Variants in LIG1 observed in about 807,000 individuals in gnomAD.
LIG1 encodes the protein DNA ligase 1.
A neutral mutation model predicts 115.7 loss-of-function variants in LIG1; 70 were observed. The observed-to-expected ratio is 0.60, with a 90% CI of 0.50 to 0.74. The LOEUF (loss-of-function observed/expected upper bound fraction) is 0.74, where lower values mean the gene tolerates loss of function less well. Among genes scored for constraint, LIG1 ranks in the 30% least tolerant of loss-of-function variants. The probability of loss-of-function intolerance (pLI) is 0.00; values close to 1 mark genes in which losing one functional copy is unlikely to be tolerated. For synonymous variants in LIG1, 487 were observed against 495.3 expected (o/e 0.98, Z 0.22); for missense variants, 1,115 against 1,225.6 (o/e 0.91, Z 1.35).
intron 5 of LIG1, among the ~76,000 whole-genome samples, chr19:48,156,367 T>C (rs2035836365): frequency 6.6e-6 from 1 of 152,186 alleles, no homozygotes; most frequent in Admixed American, 6.5e-5. Flanking sequence ...TCTCAGCGCA[T>C]AACTACAGTC....
intron 2 of LIG1, among the ~76,000 whole-genome samples, chr19:48,165,291 T>C (rs1459983791): frequency 6.6e-6 from 1 of 152,066 alleles, no homozygotes; most frequent in Non-Finnish European, 1.5e-5. Flanking sequence ...CTGCCAGATG[T>C]TCCCTGGGGA....
rs771500777 is a variant in LIG1 at position 48,118,288 on chromosome 19, T to A, written c.2440-507A>T. On this transcript the variant is annotated intron_variant, in intron 25 of 27. Coordinates refer to ENST00000263274, the MANE Select transcript of LIG1 (RefSeq NM_000234.3). ...TCATAGCTCCCAAAATCCCCATGTG[T>A]CGTGGAGGGACCTGGTGGGAGGTAA... 93 of 202,800 alleles carry A rather than the reference T, an allele frequency of 4.6e-4. No homozygotes were observed. In the Middle Eastern group the frequency reaches 7.1e-3, roughly 16 times the overall value. 12.6% of individuals were successfully genotyped at this position (202,800 alleles called of 1,614,324 possible). A position where few individuals can be genotyped will look rare whatever the true frequency, so the allele number is the denominator to read the frequency against.
intron 11 of LIG1, among the ~76,000 whole-genome samples, chr19:48,142,442 CAAAAA>C (rs561137392): frequency 1.3e-5 from 1 of 75,602 alleles, no homozygotes. Flanking sequence ...GACTCCATCT[CAAAAA>C]AAAAAAAAAA....
In LIG1 at chr19:48,136,082, C is replaced by T; in HGVS notation, c.1375G>A (p.Val459Met). ...ACTGCCTGGGAGAGGGCAGCCAGCA[C>T]CGACTGCTCTGCCAGCCCAAGGCGC... ...RLRLGLAEQS[V>M]LAALSQAVSL... The change falls in exon 15 of 28, where the codon GTG (valine) becomes ATG (methionine). Residue 459 changes from valine (V) to methionine (M), a missense_variant. Coordinates refer to ENST00000263274, the MANE Select transcript of LIG1 (RefSeq NM_000234.3). 1.3e-6 allele frequency: 2 copies of T among 1,574,096 alleles called. No individual in the cohort carries two copies. Among genetic ancestry groups the T allele is most frequent in the Non-Finnish European group, 1.7e-6 (2 of 1,160,214 alleles).
rs761804615 is a variant in LIG1 at position 48,117,704 on chromosome 19, G to T, written c.2517C>A (p.Ser839Arg). ...AVIPDHWLDPSAVWEVKCADL... is the reference protein window; with the variant it reads ...AVIPDHWLDPRAVWEVKCADL... ...CAGCGCACTTCACCTCCCACACAGC[G>T]CTGGGGTCCAGCCAGTGGTCGGGAA... The change falls in exon 26 of 28, where the codon AGC becomes AGA. Residue 839 changes from serine to arginine, a missense_variant. Coordinates refer to ENST00000263274, the MANE Select transcript of LIG1 (RefSeq NM_000234.3). The T allele has an allele frequency of 5.0e-6, 8 of 1,612,772 alleles. No individual in the cohort carries two copies. The highest frequency in any genetic ancestry group is 6.8e-6 in the Non-Finnish European group (8 of 1,179,694).
rs768965485 is a variant in LIG1, at chr19:48,115,747, T to C, written c.2677-15A>G. ...AAACAGGCCACCTGCGGAGAGAGGG[T>C]GGGACGGGGTGGTCAGAAGCTCCCT... On this transcript the variant is annotated splice_polypyrimidine_tract_variant and intron_variant, in intron 27 of 27. Coordinates refer to ENST00000263274, the MANE Select transcript of LIG1 (RefSeq NM_000234.3). 7 of 1,608,766 alleles carry C rather than the reference T, an allele frequency of 4.4e-6. No individual in the cohort carries two copies. Among genetic ancestry groups the C allele is most frequent in the Non-Finnish European group, 6.0e-6 (7 of 1,175,428 alleles).
chr19:48,142,660 T>C (rs913445196), intron 11 of LIG1, among the ~76,000 whole-genome samples: 3 of 152,066 alleles, frequency 2.0e-5, no homozygotes, highest in Admixed American at 2.0e-4. Context: ...TTGTTTGTTT[T>C]TGAGACAGAG....
rs2034140114 is a variant in LIG1, at chr19:48,132,969, C to G, written c.1725+13G>C. On this transcript the variant is annotated intron_variant, in intron 18 of 27. Transcript: ENST00000263274. ...TTCCTGTCTGTGGAAGGGACATGTCCCACTCCCCATACCTGTGCCCTCTGC... is the reference window on the plus strand; with the variant it reads ...TTCCTGTCTGTGGAAGGGACATGTCGCACTCCCCATACCTGTGCCCTCTGC... 1 of 1,572,966 alleles carries G rather than the reference C, an allele frequency of 6.4e-7. No homozygotes were observed. The highest frequency in any genetic ancestry group is 8.8e-7 in the Non-Finnish European group (1 of 1,142,654).
chr19:48,164,517 C>T (rs2036368307), intron 2 of LIG1, among the ~76,000 whole-genome samples: 1 of 152,242 alleles, frequency 6.6e-6, no homozygotes, highest in African/African-American at 2.4e-5. Context: ...ATCCAGGCTG[C>T]ATCCCTGTGG....
chr19:48,155,315 T>A (rs550693704), intron 5 of LIG1, among the ~76,000 whole-genome samples: 2 of 152,260 alleles, frequency 1.3e-5, no homozygotes, highest in East Asian at 3.9e-4. Context: ...CACCACGTGC[T>A]ATCCTCAAAC....
At chr19:48,134,136 G>A (rs1471797977) in intron 16 of LIG1, 70 bp from the exon 17 acceptor site, 22 of 1,407,222 alleles carry the variant, frequency 1.6e-5, no homozygotes, top group African/African-American at 2.9e-5. Flanking sequence ...AAGAGAGCTC[G>A]GCCTGCTCCC....
intron 26 of LIG1, among the ~76,000 whole-genome samples, chr19:48,117,361 T>C (rs2032920457): frequency 6.6e-6 from 1 of 151,474 alleles, no homozygotes; most frequent in Non-Finnish European, 1.5e-5. Context: ...GGTTTCACCA[T>C]GTTGGCCAGG....
Position 48,119,149 on chromosome 19 carries a change from G to A in LIG1, c.2427C>T (p.His809=). 6.3e-7 allele frequency: 1 copy of A among 1,581,920 alleles called. No individual in the cohort carries two copies. The highest frequency in any genetic ancestry group is 8.6e-7 in the Non-Finnish European group (1 of 1,164,108). The change falls in exon 25 of 28, where the codon CAC becomes CAT. Residue 809 remains histidine, a synonymous_variant. Coordinates refer to ENST00000263274, the MANE Select transcript of LIG1 (RefSeq NM_000234.3). ...GFSDEELEEH[H]QSLKALVLPS... is the part of the protein sequence containing the mutation. ...CGCCATGGCTCACCTTGAGGCTCTG[G>A]TGATGCTCCTCCAGCTCCTCATCAC...
rs199848958 is a variant in LIG1 at position 48,133,073 on chromosome 19, G to A, written c.1634C>T (p.Ala545Val). 5.6e-6 allele frequency: 9 copies of A among 1,613,656 alleles called. No individual in the cohort carries two copies. Among genetic ancestry groups the A allele is most frequent in the Non-Finnish European group, 6.8e-6 (8 of 1,179,668 alleles). ...CTCGCTGATGCCCCGGGTGGGATGG[G>A]CCAACATTGGTTTCAGGGGAATCCC... The part of the protein sequence containing the change: ...SPGIPLKPML[A>V]HPTRGISEVL... Residue 545 changes from alanine (A) to valine (V), a missense_variant, in exon 18 of 28, where the codon GCC (alanine) becomes GTC (valine). Coordinates refer to ENST00000263274, the MANE Select transcript of LIG1 (RefSeq NM_000234.3).
intron 5 of LIG1, 34 bp downstream of exon 5, chr19:48,156,980 G>GT: frequency 2.7e-6 from 4 of 1,466,506 alleles, no homozygotes; most frequent in Middle Eastern, 1.9e-4. Flanking sequence ...AGAAAGGCAG[G>GT]CGACTGAAGG....
intron 14 of LIG1, among the ~76,000 whole-genome samples, chr19:48,136,601 G>T (rs186345047): frequency 8.5e-5 from 13 of 152,288 alleles, no homozygotes; most frequent in Non-Finnish European, 1.8e-4. Flanking sequence ...CAGAGTTGCT[G>T]GTAGGAACTG....
Position 48,131,070 on chromosome 19 carries a change from G to C in LIG1, c.1821+6C>G. 1 of 1,612,058 alleles carries C rather than the reference G, an allele frequency of 6.2e-7. No homozygotes were observed. Among genetic ancestry groups the C allele is most frequent in the Non-Finnish European group, 8.5e-7 (1 of 1,178,128 alleles). Reference sequence around the variant, plus strand: ...GGCAGAGTGCAAGTGTGTGGCAGACGCCCACCTTGGGGATGCGGCTGATGA... The same window carrying C: ...GGCAGAGTGCAAGTGTGTGGCAGACCCCCACCTTGGGGATGCGGCTGATGA... On this transcript the variant is annotated splice_donor_region_variant and intron_variant, in intron 19 of 27. Transcript: ENST00000263274.
At chr19:48,121,110 C>T (rs776151870) in intron 24 of LIG1, 60 bp downstream of exon 24, 1 of 1,613,110 alleles carries the variant, frequency 6.2e-7, no homozygotes, top group Middle Eastern at 1.7e-4. Flanking sequence ...ATAGGAAATA[C>T]CCCCGGGAGT....
chr19:48,164,621 GC>G (rs902089614), intron 2 of LIG1, among the ~76,000 whole-genome samples: 1 of 152,254 alleles, frequency 6.6e-6, no homozygotes, highest in Non-Finnish European at 1.5e-5. Context: ...GGGAGAGCCC[GC>G]CTGAGGGTGA....
Sources: allele counts gnomAD v4.1 joint callset (sites outside exome capture counted in the v4.1 genomes callset), GRCh38; gene constraint gnomAD v4.1.1; transcripts MANE v1.5; gene names NCBI Gene and HGNC (gene_info 2026-07-23, HGNC 2026-07-21).